GABRB2: variants seen among roughly 807,000 people sequenced by gnomAD.
The protein encoded by GABRB2 is gamma-aminobutyric acid receptor subunit beta-2.
A neutral mutation model predicts 54.7 loss-of-function variants in GABRB2; 16 were observed. The observed-to-expected ratio is 0.29, with a 90% confidence interval of 0.20 to 0.44. The LOEUF is 0.44. Among genes scored for constraint, GABRB2 ranks in the 20% least tolerant of loss-of-function variants. The pLI, the probability that GABRB2 is intolerant of heterozygous loss-of-function variation, is 1.00. For missense variants in GABRB2, 355 were observed against 644.0 expected, an observed-to-expected ratio of 0.55 and a Z score of 4.86; for synonymous variants, 244 against 233.8, an observed-to-expected ratio of 1.04 and a Z score of -0.40.
chr5:161,390,322 T>C (rs1755781293), intron 5 of GABRB2, among the ~76,000 whole-genome samples: 1 of 152,082 alleles, frequency 6.6e-6, no homozygotes, highest in Non-Finnish European at 1.5e-5. Flanking sequence ...AATGACATTC[T>C]AAAGAATACT....
intron 8 of GABRB2, 138 bp from the exon 9 acceptor site, chr5:161,326,619 G>A (rs542828838): frequency 1.9e-6 from 2 of 1,072,680 alleles, no homozygotes; most frequent in African/African-American, 3.2e-5. Context: ...CAGAGAATGG[G>A]AATTTGAGTA....
chr5:161,458,346 A>C (rs1424215555), intron 4 of GABRB2, among the ~76,000 whole-genome samples: 3 of 152,182 alleles, frequency 2.0e-5, no homozygotes, highest in Non-Finnish European at 4.4e-5. Context: ...CATGTATGTG[A>C]GCAGTGCCTG....
At chr5:161,431,248 T>C (rs1757164194) in intron 4 of GABRB2, among the ~76,000 whole-genome samples, 1 of 152,166 alleles carries the variant, frequency 6.6e-6, no homozygotes, top group African/African-American at 2.4e-5. Flanking sequence ...CTTAGAACAA[T>C]CATTTGCAAA....
At chr5:161,539,392 C>T (rs983994405) in intron 3 of GABRB2, among the ~76,000 whole-genome samples, 4 of 152,184 alleles carry the variant, frequency 2.6e-5, no homozygotes, top group Non-Finnish European at 5.9e-5. Flanking sequence ...CCACCAGTAG[C>T]TTCCTCAGTA....
intron 3 of GABRB2, among the ~76,000 whole-genome samples, chr5:161,533,066 A>G (rs981921923): frequency 6.6e-6 from 1 of 152,020 alleles, no homozygotes; most frequent in Non-Finnish European, 1.5e-5. Flanking sequence ...TCAATTGCCC[A>G]GACAATTACT....
At chr5:161,308,851 A>C (rs115561756) in intron 9 of GABRB2, among the ~76,000 whole-genome samples, 150 of 152,370 alleles carry the variant, frequency 9.8e-4, no homozygotes, top group African/African-American at 3.6e-3. Flanking sequence ...CACTATGTAC[A>C]AAAATTAACT....
rs189897793 is a variant in GABRB2 at position 161,325,317 on chromosome 5, T to C, written c.1191+1051A>G. Among the ~76,000 whole-genome samples, 32 of 152,198 alleles carry C rather than the reference T, an allele frequency of 2.1e-4. No individual in the cohort carries two copies. In the East Asian group the frequency reaches 5.8e-3, roughly 28 times the overall value. On this transcript the variant is annotated intron_variant, in intron 9 of 9. Transcript: ENST00000393959. ...TTTAGGGGATTGGAACAAAAAATAG[T>C]GATTAACAAAATTTCAAACATCTCT...
upstream of GABRB2, chr5:161,546,849 TGTATA>T: frequency 1.9e-6 from 2 of 1,071,050 alleles, no homozygotes; most frequent in Non-Finnish European, 2.6e-6. Context: ...AACATGTATA[TGTATA>T]ATACATACAT....
intron 3 of GABRB2, among the ~76,000 whole-genome samples, chr5:161,477,566 A>G (rs1157148753): frequency 2.6e-5 from 4 of 151,988 alleles, no homozygotes; most frequent in Non-Finnish European, 4.4e-5. Context: ...TCAAATGTCC[A>G]TCAGTGGATG....
At chr5:161,466,358 T>C (rs1418553700) in intron 3 of GABRB2, among the ~76,000 whole-genome samples, 1 of 152,044 alleles carries the variant, frequency 6.6e-6, no homozygotes, top group African/African-American at 2.4e-5. Flanking sequence ...TTGGTAGATA[T>C]TTTAGGATTA....
At chr5:161,364,994 C>T (rs1272858163) in intron 5 of GABRB2, among the ~76,000 whole-genome samples, 1 of 152,120 alleles carries the variant, frequency 6.6e-6, no homozygotes, top group Non-Finnish European at 1.5e-5. Flanking sequence ...GGTCCTTAAT[C>T]ATGATCACAA....
Position 161,382,897 on chromosome 5 carries a change from C to A in GABRB2, c.541+28078G>T, listed in dbSNP as rs774700692. 2.9e-4 allele frequency among the ~76,000 whole-genome samples: 44 copies of A among 152,290 alleles called. 1 individual carries two copies. Among genetic ancestry groups the A allele is most frequent in the Admixed American group, 1.7e-3 (26 of 15,282 alleles). Reference sequence around the variant, plus strand: ...CTGTCATGAGGTCCCCTGAGCCGATCTCTTGGCAACCTCCTCTGAGGAGAG... The same window carrying A: ...CTGTCATGAGGTCCCCTGAGCCGATATCTTGGCAACCTCCTCTGAGGAGAG... On this transcript the variant is annotated intron_variant, in intron 5 of 9. Coordinates refer to ENST00000393959, the MANE Select transcript of GABRB2 (RefSeq NM_001371727.1).
At chr5:161,339,781 A>T (rs1754100861) in intron 5 of GABRB2, among the ~76,000 whole-genome samples, 1 of 152,020 alleles carries the variant, frequency 6.6e-6, no homozygotes, top group Non-Finnish European at 1.5e-5. Flanking sequence ...TCGTTGAGAA[A>T]ACTAAGATTC....
Position 161,521,277 on chromosome 5 carries a change from C to G in GABRB2, c.237+23950G>C, listed in dbSNP as rs568576991. The stretch of plus-strand genomic sequence containing the variant: ...CTAAAACCTCCACCACTCTTTATTC[C>G]TATCTTTATTTTTTGTTACCTTGAT... On this transcript the variant is annotated intron_variant, in intron 3 of 9. Transcript: ENST00000393959. 2.0e-5 allele frequency among the ~76,000 whole-genome samples: 3 copies of G among 152,024 alleles called. No individual in the cohort carries two copies. In the East Asian group the frequency reaches 5.8e-4, roughly 29 times the overall value.
chr5:161,416,529 C>A (rs1221185209), intron 4 of GABRB2, among the ~76,000 whole-genome samples: 2 of 150,940 alleles, frequency 1.3e-5, no homozygotes, highest in Non-Finnish European at 3.0e-5. Context: ...AAGCAACCAT[C>A]CAATTATTCC....
At chr5:161,359,805 G>A (rs1163874768) in intron 5 of GABRB2, among the ~76,000 whole-genome samples, 2 of 152,206 alleles carry the variant, frequency 1.3e-5, no homozygotes, top group East Asian at 1.9e-4. Flanking sequence ...AATGGAGGCC[G>A]GGTGCGGTGG....
intron 3 of GABRB2, among the ~76,000 whole-genome samples, chr5:161,517,374 C>T (rs1759980781): frequency 6.6e-6 from 1 of 152,096 alleles, no homozygotes. Context: ...GGATGATATC[C>T]TTATTTTTAA....
At chr5:161,385,408 T>A (rs762588511) in intron 5 of GABRB2, among the ~76,000 whole-genome samples, 8 of 152,224 alleles carry the variant, frequency 5.3e-5, no homozygotes, top group Non-Finnish European at 1.0e-4. Context: ...TGAAAAATTC[T>A]TTTGGAACAA....
At chr5:161,445,390 T>A (rs1757588217) in intron 4 of GABRB2, among the ~76,000 whole-genome samples, 1 of 152,106 alleles carries the variant, frequency 6.6e-6, no homozygotes, top group South Asian at 2.1e-4. Context: ...GATCTGTGCT[T>A]TTTGAATGTA....
Sources: allele counts gnomAD v4.1 joint callset (sites outside exome capture counted in the v4.1 genomes callset), GRCh38; gene constraint gnomAD v4.1.1; transcripts MANE v1.5; gene names NCBI Gene and HGNC (gene_info 2026-07-23, HGNC 2026-07-21).